The following AHCYL2 variants were observed in gnomAD, a reference collection of about 807,000 sequenced individuals.
AHCYL2 encodes S-adenosylhomocysteine hydrolase-like protein 2.
In AHCYL2, 28 loss-of-function variants were observed where a neutral mutation model predicts 81.4. That is an observed-to-expected ratio of 0.34 (90% CI 0.25 to 0.47). The LOEUF (loss-of-function observed/expected upper bound fraction) is 0.47, where lower values mean the gene tolerates loss of function less well. AHCYL2 is among the 20% of genes least tolerant of loss of function. The pLI, the probability that AHCYL2 is intolerant of heterozygous loss-of-function variation, is 1.00. For missense variants in AHCYL2, 551 were observed against 785.1 expected, an observed-to-expected ratio of 0.70 and a Z score of 3.56; for synonymous variants, 272 against 290.2, an observed-to-expected ratio of 0.94 and a Z score of 0.64.
intron 1 of AHCYL2, among the ~76,000 whole-genome samples, chr7:129,326,324 C>T (rs780776176): frequency 2.4e-4 from 36 of 151,932 alleles, no homozygotes; most frequent in Admixed American, 2.2e-3. Flanking sequence ...GTCAGGAGTT[C>T]GAGACCAGCC....
In AHCYL2 at chr7:129,413,400, G is replaced by A. The variant is rs188167915; in HGVS notation, c.1367-194G>A. On this transcript the variant is annotated intron_variant, in intron 11 of 16. Coordinates refer to ENST00000325006, the MANE Select transcript of AHCYL2 (RefSeq NM_015328.4). ...TTGTGATCCGCCCGTCTCAGCCTCC[G>A]AAAGTGCTGGAATTACAGGCATGAG... Among the ~76,000 whole-genome samples the A allele has an allele frequency of 2.6e-5, 4 of 151,082 alleles. No homozygotes were observed. In the East Asian group the frequency reaches 5.9e-4, roughly 22 times the overall value.
intron 1 of AHCYL2, among the ~76,000 whole-genome samples, chr7:129,227,703 C>G (rs1794279585): frequency 6.6e-6 from 1 of 151,534 alleles, no homozygotes. Flanking sequence ...TGACCACTTT[C>G]CTTGTCGTTG....
At position 129,259,129 on chromosome 7, in the gene AHCYL2, A is replaced by G. The variant is rs1386231326; in HGVS notation, c.363+33690A>G. On this transcript the variant is annotated intron_variant, in intron 1 of 16. Transcript: ENST00000325006. ...GACCTCTTCTTCCTTTAATAACATT[A>G]CCTTTTTCCCACTGCTTCTGGCAAT... 1.9e-4 allele frequency among the ~76,000 whole-genome samples: 29 copies of G among 152,136 alleles called. 1 individual carries two copies. The highest frequency in any genetic ancestry group is 1.9e-3 in the Admixed American group (29 of 15,270).
chr7:129,243,498 C>G (rs1006189482), intron 1 of AHCYL2, among the ~76,000 whole-genome samples: 3 of 152,066 alleles, frequency 2.0e-5, no homozygotes, highest in Non-Finnish European at 4.4e-5. Context: ...TTGTACCTAT[C>G]CTGGGGTCAT....
chr7:129,398,754 A>G (rs1795873013), intron 5 of AHCYL2, among the ~76,000 whole-genome samples: 1 of 151,980 alleles, frequency 6.6e-6, no homozygotes, highest in Non-Finnish European at 1.5e-5. Flanking sequence ...CAATGTCCTT[A>G]CCCTCAGAAT....
chr7:129,292,786 G>A (rs1796914399), intron 1 of AHCYL2, among the ~76,000 whole-genome samples: 1 of 151,598 alleles, frequency 6.6e-6, no homozygotes, highest in African/African-American at 2.4e-5. Context: ...AACAAAGAAA[G>A]TAAGTTATGT....
chr7:129,260,875 G>A (rs1249084519), intron 1 of AHCYL2, among the ~76,000 whole-genome samples: 2 of 151,864 alleles, frequency 1.3e-5, no homozygotes, highest in Non-Finnish European at 2.9e-5. Flanking sequence ...TGCAACCTCC[G>A]CCTCCTGGGT....
At chr7:129,259,164 C>T (rs573042338) in intron 1 of AHCYL2, among the ~76,000 whole-genome samples, 1 of 152,268 alleles carries the variant, frequency 6.6e-6, no homozygotes, top group East Asian at 1.9e-4. Flanking sequence ...TAACACTCAG[C>T]ACCAAGTCTC....
rs561531194 is a variant in AHCYL2 at position 129,249,198 on chromosome 7, A to G, written c.363+23759A>G. ...TTTTTTGTAGAGACAAGATCTTGCC[A>G]TGTTGTCCAGGCTAGTGTCGAACTC... On this transcript the variant is annotated intron_variant, in intron 1 of 16. Coordinates refer to ENST00000325006, the MANE Select transcript of AHCYL2 (RefSeq NM_015328.4). 7.2e-5 allele frequency among the ~76,000 whole-genome samples: 11 copies of G among 151,868 alleles called. No homozygotes were observed. In the South Asian group the frequency reaches 2.3e-3, roughly 32 times the overall value.
rs1363494751 is a variant in AHCYL2, at chr7:129,225,415, C to T, written c.339C>T (p.Thr113=). Residue 113 remains threonine (T), a synonymous_variant, in exon 1 of 17, where the codon ACC becomes ACT. Coordinates refer to ENST00000325006, the MANE Select transcript of AHCYL2 (RefSeq NM_015328.4). ...EALVSPDGTV[T]EAPRTVKKQI... is the part of the protein sequence containing the mutation. ...TGGTCAGCCCCGACGGCACCGTCACCGAGGCGCCGCGCACAGTCAAGAAGG... is the reference window on the plus strand; with the variant it reads ...TGGTCAGCCCCGACGGCACCGTCACTGAGGCGCCGCGCACAGTCAAGAAGG... 7.9e-6 allele frequency: 12 copies of T among 1,515,384 alleles called. No homozygotes were observed. In the East Asian group the frequency reaches 2.9e-4, roughly 37 times the overall value. 93.9% of individuals were successfully genotyped at this position (1,515,384 alleles called of 1,614,324 possible). A position where few individuals can be genotyped will look rare whatever the true frequency, so the allele number is the denominator to read the frequency against.
At chr7:129,377,062 G>A (rs1002280873) in intron 1 of AHCYL2, among the ~76,000 whole-genome samples, 1 of 152,206 alleles carries the variant, frequency 6.6e-6, no homozygotes, top group African/African-American at 2.4e-5. Context: ...GGCTACTTCA[G>A]ATATATTGAT....
intron 2 of AHCYL2, among the ~76,000 whole-genome samples, chr7:129,384,275 A>AATATATCATATATATGATAAT (rs988511272): frequency 6.7e-6 from 1 of 148,990 alleles, no homozygotes; most frequent in African/African-American, 2.5e-5. Flanking sequence ...ATGTTTTGCT[A>AATATATCATATATATGATAAT]ATATATCATA....
At position 129,403,486 on chromosome 7, in the gene AHCYL2, G is replaced by A; in HGVS notation, c.1025+1G>A. On this transcript the variant is annotated splice_donor_variant, in intron 7 of 16. Transcript: ENST00000325006. LOFTEE classifies it high-confidence loss of function. ...AGGAGAGTGTTACTGGAGTTCACAG[G>A]TAAGATTTGACATGGGCATACCTGG... 1 of 1,595,522 alleles carries A rather than the reference G, an allele frequency of 6.3e-7. No homozygotes were observed. The highest frequency in any genetic ancestry group is 8.6e-7 in the Non-Finnish European group (1 of 1,168,872).
At chr7:129,237,225 G>A (rs1369268484) in intron 1 of AHCYL2, among the ~76,000 whole-genome samples, 2 of 151,834 alleles carry the variant, frequency 1.3e-5, no homozygotes, top group African/African-American at 4.8e-5. Flanking sequence ...CTGTTTATAT[G>A]GTTGTATTTA....
rs778045092 is a variant in AHCYL2 at position 129,379,710 on chromosome 7, C to T, written c.436C>T (p.Arg146Cys). 7 of 1,614,122 alleles carry T rather than the reference C, an allele frequency of 4.3e-6. No individual in the cohort carries two copies. The highest frequency in any genetic ancestry group is 5.9e-6 in the Non-Finnish European group (7 of 1,180,000). ...CAAAATTGGACGTCGCTCTTTGTCTCGTTCCATTTCTCAGTCATCTACTGA... is the reference window on the plus strand; with the variant it reads ...CAAAATTGGACGTCGCTCTTTGTCTTGTTCCATTTCTCAGTCATCTACTGA... The part of the protein sequence containing the change: ...PTKIGRRSLS[R>C]SISQSSTDSY... Residue 146 changes from arginine (R) to cysteine (C), a missense_variant, in exon 2 of 17, where the codon CGT becomes TGT. Transcript: ENST00000325006.
intron 1 of AHCYL2, among the ~76,000 whole-genome samples, chr7:129,267,022 A>C (rs1053103864): frequency 1.3e-5 from 2 of 152,162 alleles, no homozygotes; most frequent in African/African-American, 4.8e-5. Flanking sequence ...TGATACATTC[A>C]TAGAGCATAA....
intron 1 of AHCYL2, among the ~76,000 whole-genome samples, chr7:129,245,377 A>G (rs6950279): frequency 0.94 from 142,911 of 152,222 alleles, 67,716 homozygotes; most frequent in East Asian, 1. Context: ...ACCATTTTAT[A>G]CATTTTTAAG....
At position 129,368,549 on chromosome 7, in the gene AHCYL2, A is replaced by T; in HGVS notation, c.364-11089A>T. 6.2e-7 allele frequency: 1 copy of T among 1,613,994 alleles called. No homozygotes were observed. Among genetic ancestry groups the T allele is most frequent in the Middle Eastern group, 1.7e-4 (1 of 6,060 alleles). On this transcript the variant is annotated intron_variant, in intron 1 of 16. Transcript: ENST00000325006. This position sits in a 1 kb window ranked among gnomAD's most constrained non-coding sequence, Gnocchi z 4.4. ...CTCAGCTTTTCACATGCCTGAGTGG[A>T]TGGTGAGTTCACTGGTCGTTTTGTT... is the stretch of plus-strand genomic sequence containing the variant.
rs1234288320 is a variant in AHCYL2 at position 129,328,256 on chromosome 7, CAACCTCTGCCT to C, written c.364-51381_364-51371del. 2.6e-5 allele frequency among the ~76,000 whole-genome samples: 4 copies of C among 152,306 alleles called. No homozygotes were observed. In the East Asian group the frequency reaches 7.7e-4, roughly 29 times the overall value. On this transcript the variant is annotated intron_variant, in intron 1 of 16. Coordinates refer to ENST00000325006, the MANE Select transcript of AHCYL2 (RefSeq NM_015328.4). ...GCAGTGGCACAATCTTCGCTCACTG[CAACCTCTGCCT>C]CTCGGGTTCAAGTGATTTGCCTGTC...
Sources: allele counts gnomAD v4.1 joint callset (sites outside exome capture counted in the v4.1 genomes callset), GRCh38; gene constraint gnomAD v4.1.1; non-coding constraint Gnocchi (gnomAD v3.1); transcripts MANE v1.5; gene names NCBI Gene and HGNC (gene_info 2026-07-23, HGNC 2026-07-21).